The following MTMR2 variants were observed in gnomAD, a reference collection of about 807,000 sequenced individuals.
The protein encoded by MTMR2 is phosphatidylinositol-3,5-bisphosphate 3-phosphatase MTMR2.
MTMR2 carries 55 observed loss-of-function variants against 86.9 expected under a neutral mutation model. That is an observed-to-expected ratio of 0.63 (90% CI 0.51 to 0.79). The LOEUF (loss-of-function observed/expected upper bound fraction) is 0.79. Among genes scored for constraint, MTMR2 ranks in the 30% least tolerant of loss-of-function variants. The probability of loss-of-function intolerance (pLI) is 0.00; values close to 1 mark genes in which losing one functional copy is unlikely to be tolerated. For synonymous variants in MTMR2, 241 were observed against 266.8 expected (o/e 0.90, Z 0.94); for missense variants, 659 against 772.3 (o/e 0.85, Z 1.74).
intron 7 of MTMR2, among the ~76,000 whole-genome samples, chr11:95,855,360 G>A (rs1291305094): frequency 6.6e-6 from 1 of 151,784 alleles, no homozygotes; most frequent in South Asian, 2.1e-4. Flanking sequence ...GGCTCAGGTG[G>A]TCTTCCCACC....
At chr11:95,904,800 C>G (rs1387038299) in intron 1 of MTMR2, among the ~76,000 whole-genome samples, 1 of 152,144 alleles carries the variant, frequency 6.6e-6, no homozygotes, top group African/African-American at 2.4e-5. Flanking sequence ...ATGGACTCAC[C>G]CCGAATTCTT....
intron 1 of MTMR2, among the ~76,000 whole-genome samples, chr11:95,921,722 C>T (rs992817484): frequency 6.6e-6 from 1 of 152,104 alleles, no homozygotes; most frequent in Non-Finnish European, 1.5e-5. Context: ...ACTTTTCTAC[C>T]TTCCAGAGGA....
At position 95,850,634 on chromosome 11, in the gene MTMR2, C is replaced by G. The variant is rs1342601072; in HGVS notation, c.770G>C (p.Arg257Thr). 6.2e-7 allele frequency: 1 copy of G among 1,614,126 alleles called. No homozygotes were observed. The highest frequency in any genetic ancestry group is 1.1e-5 in the South Asian group (1 of 91,088). Residue 257 changes from arginine to threonine, a missense_variant, in exon 8 of 15, where the codon AGA becomes ACA. Arg to Thr is a moderately conservative substitution (Grantham distance 71, BLOSUM62 -1). Coordinates refer to ENST00000346299, the MANE Select transcript of MTMR2 (RefSeq NM_016156.6). ...GCCTCTTGATCTGAAGGATGCCACT[C>G]TCTTTAATTCTTCATCAGGAATATT... ...PANIPDEELK[R>T]VASFRSRGRI... is the part of the protein sequence containing the mutation.
chr11:95,893,099 A>G (rs1421774631), intron 1 of MTMR2, among the ~76,000 whole-genome samples: 2 of 151,898 alleles, frequency 1.3e-5, no homozygotes, highest in African/African-American at 2.4e-5. Flanking sequence ...CTCCTCACTC[A>G]CTAAGGGTTT....
At chr11:95,841,030 T>C (rs1005419320) in intron 12 of MTMR2, among the ~76,000 whole-genome samples, 1 of 152,176 alleles carries the variant, frequency 6.6e-6, no homozygotes, top group Non-Finnish European at 1.5e-5. Context: ...CCAGGTGTTT[T>C]CTCAGTCCCC....
At chr11:95,891,886 G>A (rs1865728809) in intron 1 of MTMR2, among the ~76,000 whole-genome samples, 1 of 152,052 alleles carries the variant, frequency 6.6e-6, no homozygotes, top group South Asian at 2.1e-4. Context: ...GAGGGAGAGA[G>A]GGAGACAGAG....
intron 10 of MTMR2, among the ~76,000 whole-genome samples, chr11:95,845,967 G>T (rs987930614): frequency 6.1e-5 from 9 of 148,594 alleles, no homozygotes; most frequent in Non-Finnish European, 1.3e-4. Flanking sequence ...AAACAGTATA[G>T]TTCTACATAC....
At chr11:95,849,374 T>A (rs1863927423) in intron 9 of MTMR2, among the ~76,000 whole-genome samples, 1 of 152,194 alleles carries the variant, frequency 6.6e-6, no homozygotes, top group South Asian at 2.1e-4. Flanking sequence ...AAGCTAAGAA[T>A]AACTGAACAC....
chr11:95,850,761 A>G lies in MTMR2; in HGVS notation c.655-12T>C. Reference sequence around the variant, plus strand: ...TCATTTGGAATTCCCTACATGTGAAATGAAACATAAGACAAATTACTATAT... The same window carrying G: ...TCATTTGGAATTCCCTACATGTGAAGTGAAACATAAGACAAATTACTATAT... On this transcript the variant is annotated splice_polypyrimidine_tract_variant and intron_variant, in intron 7 of 14. Transcript: ENST00000346299. 6.2e-7 allele frequency: 1 copy of G among 1,612,150 alleles called. No individual in the cohort carries two copies. Among genetic ancestry groups the G allele is most frequent in the Non-Finnish European group, 8.5e-7 (1 of 1,178,368 alleles).
At chr11:95,895,206 G>A (rs918477631) in intron 1 of MTMR2, among the ~76,000 whole-genome samples, 13 of 151,644 alleles carry the variant, frequency 8.6e-5, no homozygotes, top group African/African-American at 3.1e-4. Flanking sequence ...ATGACTAGAG[G>A]AAGCCAAGAA....
intron 7 of MTMR2, among the ~76,000 whole-genome samples, chr11:95,853,978 C>T (rs929664824): frequency 3.3e-5 from 5 of 152,130 alleles, no homozygotes; most frequent in Non-Finnish European, 5.9e-5. Context: ...ACCCCACTTC[C>T]CATATCCTTG....
At chr11:95,841,533 T>C (rs1285473668) in intron 12 of MTMR2, 84 bp downstream of exon 12, 43 of 937,058 alleles carry the variant, frequency 4.6e-5, no homozygotes, top group Middle Eastern at 2.1e-4. Context: ...TAATGATCTA[T>C]AGGCTAATCA....
chr11:95,838,712 T>C (rs1863406043), intron 12 of MTMR2, among the ~76,000 whole-genome samples: 1 of 152,000 alleles, frequency 6.6e-6, no homozygotes, highest in Non-Finnish European at 1.5e-5. Flanking sequence ...GCAATTACTT[T>C]TGCACCGACG....
chr11:95,902,953 C>G (rs1866126268), intron 1 of MTMR2, among the ~76,000 whole-genome samples: 1 of 152,212 alleles, frequency 6.6e-6, no homozygotes, highest in African/African-American at 2.4e-5. Flanking sequence ...GTCACTCTCT[C>G]TCACTCCTTA....
chr11:95,843,625 C>T (rs1590976783), intron 11 of MTMR2, among the ~76,000 whole-genome samples: 1 of 152,170 alleles, frequency 6.6e-6, no homozygotes, highest in African/African-American at 2.4e-5. Context: ...ACCAACAAAA[C>T]ATAACAGATT....
chr11:95,874,995 A>G (rs1150362), intron 2 of MTMR2, among the ~76,000 whole-genome samples: 90,123 of 151,638 alleles, frequency 0.59, 28,916 homozygotes, highest in African/African-American at 0.85. Context: ...CCCTTTGTGG[A>G]TAACCTGACC....
intron 1 of MTMR2, among the ~76,000 whole-genome samples, chr11:95,893,846 G>A (rs1865794454): frequency 6.6e-6 from 1 of 152,088 alleles, no homozygotes. Flanking sequence ...CTCTGGACTA[G>A]TGCAAATAAC....
chr11:95,858,099 G>A (rs1864275757), intron 6 of MTMR2, among the ~76,000 whole-genome samples: 1 of 152,060 alleles, frequency 6.6e-6, no homozygotes, highest in Non-Finnish European at 1.5e-5. Context: ...ACCACCATAG[G>A]CTACATAGAA....
chr11:95,848,142 A>G (rs1206164309), intron 9 of MTMR2, among the ~76,000 whole-genome samples: 4 of 152,200 alleles, frequency 2.6e-5, no homozygotes, highest in Non-Finnish European at 5.9e-5. Context: ...AAAATTAAAT[A>G]TGAAACACAT....
Sources: gnomAD v4.1 joint callset for allele counts (sites outside exome capture counted in the v4.1 genomes callset) on GRCh38, gnomAD v4.1.1 for gene constraint, MANE v1.5 for transcripts, NCBI Gene and HGNC (gene_info 2026-07-23, HGNC 2026-07-21) for gene names.